The following TMEM98 variants were observed in gnomAD, a reference collection of about 807,000 sequenced individuals.
The protein encoded by TMEM98 is transmembrane protein 98.
A neutral mutation model predicts 25.0 loss-of-function variants in TMEM98; 18 were observed. That is an observed-to-expected ratio of 0.72 (90% CI 0.50 to 1.07). TMEM98 has a LOEUF of 1.07. Ranked by LOEUF, TMEM98 falls within the 50% of genes least tolerant of loss-of-function variation. The probability of loss-of-function intolerance (pLI) is 0.00; values close to 1 mark genes in which losing one functional copy is unlikely to be tolerated. For synonymous variants in TMEM98, 103 were observed against 112.4 expected, an observed-to-expected ratio of 0.92 and a Z score of 0.53; for missense variants, 241 against 289.0, an observed-to-expected ratio of 0.83 and a Z score of 1.20.
chr17:32,932,878 A>G (rs1178495245), intron 3 of TMEM98, among the ~76,000 whole-genome samples: 1 of 152,218 alleles, frequency 6.6e-6, no homozygotes, highest in African/African-American at 2.4e-5. Context: ...GATATCCCTA[A>G]CATCTTTGTA....
At chr17:32,929,181 ACT>A (rs199694783) in intron 1 of TMEM98, among the ~76,000 whole-genome samples, 3,667 of 151,812 alleles carry the variant, frequency 0.024, 142 homozygotes, top group African/African-American at 0.083. Flanking sequence ...TCAGAAACAC[ACT>A]CTGAGAAACA....
At chr17:32,929,575 CAG>C (rs1277042766) in intron 1 of TMEM98, among the ~76,000 whole-genome samples, 4 of 152,154 alleles carry the variant, frequency 2.6e-5, no homozygotes, top group Non-Finnish European at 4.4e-5. Context: ...CGTAGAGAAA[CAG>C]AGGCGGACCC....
intron 6 of TMEM98, among the ~76,000 whole-genome samples, chr17:32,937,250 G>A (rs1013818590): frequency 2.0e-5 from 3 of 151,978 alleles, no homozygotes; most frequent in African/African-American, 7.2e-5. Context: ...AGTTCCAGGG[G>A]CCCACACGTT....
At chr17:32,929,274 A>G (rs1386696497) in intron 1 of TMEM98, among the ~76,000 whole-genome samples, 1 of 151,110 alleles carries the variant, frequency 6.6e-6, no homozygotes, top group Non-Finnish European at 1.5e-5. Context: ...ACACTAACAC[A>G]AACACACACG....
intron 6 of TMEM98, 85 bp downstream of exon 6, chr17:32,936,532 T>A: frequency 8.6e-7 from 1 of 1,165,614 alleles, no homozygotes; most frequent in Non-Finnish European, 1.2e-6. Context: ...AGCTGGGCTC[T>A]TCTATAAAAT....
At chr17:32,930,911 C>T (rs1260427225) in intron 1 of TMEM98, 1 of 152,008 alleles carries the variant, frequency 6.6e-6, no homozygotes, top group African/African-American at 2.4e-5. Context: ...GTTTAAAAAG[C>T]TATTTTAAGG....
chr17:32,934,346 G>A (rs1567697465), intron 5 of TMEM98, 22 bp downstream of exon 5: 1 of 1,613,972 alleles, frequency 6.2e-7, no homozygotes. Context: ...TTATTTCTCT[G>A]TGGGATAAAG....
chr17:32,939,873 T>C (rs1298811759), intron 7 of TMEM98, among the ~76,000 whole-genome samples: 1 of 152,166 alleles, frequency 6.6e-6, no homozygotes, highest in Non-Finnish European at 1.5e-5. Context: ...AGACATGCCT[T>C]AGCTGTGAGT....
intron 5 of TMEM98, 97 bp downstream of exon 5, chr17:32,934,421 T>A (rs2091485308): frequency 2.8e-5 from 40 of 1,405,926 alleles, no homozygotes; most frequent in Non-Finnish European, 3.9e-5. Context: ...GGCACTGACC[T>A]CTCGCAAGAG....
Position 32,934,337 on chromosome 17 carries a change from T to C in TMEM98, c.297+13T>C. On this transcript the variant is annotated intron_variant, in intron 5 of 7. Coordinates refer to ENST00000579849, the MANE Select transcript of TMEM98 (RefSeq NM_015544.3). ...TGCCATCTTGAAGGTAACCCTCTCT[T>C]ATTTCTCTGTGGGATAAAGGGTAGT... 1 of 1,614,046 alleles carries C rather than the reference T, an allele frequency of 6.2e-7. No homozygotes were observed. The highest frequency in any genetic ancestry group is 8.5e-7 in the Non-Finnish European group (1 of 1,179,964).
Position 32,940,990 on chromosome 17 carries a change from T to G in TMEM98, c.678T>G (p.Ile226Met). Residue 226 changes from isoleucine (I) to methionine (M), a missense_variant, in exon 8 of 8, where the codon ATT (isoleucine) becomes ATG (methionine). Ile to Met is a conservative substitution (Grantham distance 10). Transcript: ENST00000579849. Reference sequence around the variant, plus strand: ...GCTTCCTGCAGGAGCAGTCTGCAATTTAGTGCCTACAGGCCAGCAGCTAGC... The same window carrying G: ...GCTTCCTGCAGGAGCAGTCTGCAATGTAGTGCCTACAGGCCAGCAGCTAGC... ...PEGFLQEQSA[I>M] The G allele has an allele frequency of 6.2e-7, 1 of 1,604,882 alleles. No individual in the cohort carries two copies. The highest frequency in any genetic ancestry group is 1.1e-5 in the South Asian group (1 of 90,006).
chr17:32,940,112 C>A (rs1002465410), intron 7 of TMEM98, among the ~76,000 whole-genome samples: 1 of 152,206 alleles, frequency 6.6e-6, no homozygotes, highest in Admixed American at 6.5e-5. Context: ...GTTGCCAGAT[C>A]GGCAGTGGGT....
intron 5 of TMEM98, among the ~76,000 whole-genome samples, chr17:32,935,158 CTCT>C (rs1238779343): frequency 2.0e-5 from 3 of 152,104 alleles, no homozygotes; most frequent in African/African-American, 7.2e-5. Flanking sequence ...TTTACCCCAC[CTCT>C]TCTTTGGCTG....
At chr17:32,931,242 T>G (rs367813877) in intron 1 of TMEM98, 85 bp from the exon 2 acceptor site, 8 of 322,620 alleles carry the variant, frequency 2.5e-5, no homozygotes, top group African/African-American at 1.8e-4. Context: ...ACAAAAAATT[T>G]TAGTCCAACT....
chr17:32,934,029 A>G (rs1175034782), intron 4 of TMEM98, among the ~76,000 whole-genome samples: 1 of 152,190 alleles, frequency 6.6e-6, no homozygotes, highest in Non-Finnish European at 1.5e-5. Context: ...CAGAAGCTTG[A>G]GAGTTATATT....
At chr17:32,931,847 C>T (rs1158387179) in intron 3 of TMEM98, among the ~76,000 whole-genome samples, 188 bp downstream of exon 3, 2 of 152,180 alleles carry the variant, frequency 1.3e-5, no homozygotes, top group South Asian at 2.1e-4. Flanking sequence ...CATCCTGAGT[C>T]ACCTCCTTCT....
Position 32,941,112 on chromosome 17 carries a change from TG to T in TMEM98, c.*120del. The stretch of plus-strand genomic sequence containing the variant: ...TCTCCACGGCTGGAGAGTTCAGCTG[TG>T]TGTGCATAGTAAAGCAGGAGATCCC... On this transcript the variant is annotated 3_prime_UTR_variant, in exon 8 of 8. Coordinates refer to ENST00000579849, the MANE Select transcript of TMEM98 (RefSeq NM_015544.3). The T allele has an allele frequency of 3.4e-6, 3 of 879,580 alleles. No individual in the cohort carries two copies. The Admixed American group carries it at 8.7e-5, about 26-fold the overall frequency. 54.5% of individuals were successfully genotyped at this position (879,580 alleles called of 1,614,324 possible). A position where few individuals can be genotyped will look rare whatever the true frequency, so the allele number is the denominator to read the frequency against.
At position 32,930,160 on chromosome 17, in the gene TMEM98, G is replaced by A. The variant is rs538567611; in HGVS notation, c.-130-1167G>A. Among the ~76,000 whole-genome samples, 10 of 152,066 alleles carry A rather than the reference G, an allele frequency of 6.6e-5. 1 individual carries two copies. In the South Asian group the frequency reaches 2.1e-3, roughly 32 times the overall value. On this transcript the variant is annotated intron_variant, in intron 1 of 7. Transcript: ENST00000579849. ...CTTTTTTTCACGTGGGGAAATTAAA[G>A]CCCAGAGAGGGGAGAATGCTTGCAC...
rs893664082 is a variant in TMEM98 at position 32,941,068 on chromosome 17, T to C, written c.*75T>C. The C allele has an allele frequency of 8.4e-6, 11 of 1,303,422 alleles. No individual in the cohort carries two copies. The highest frequency in any genetic ancestry group is 2.7e-4 in the Middle Eastern group (1 of 3,750). 80.7% of individuals were successfully genotyped at this position (1,303,422 alleles called of 1,614,324 possible). On this transcript the variant is annotated 3_prime_UTR_variant, in exon 8 of 8. Transcript: ENST00000579849. Reference sequence around the variant, plus strand: ...ATGGCTCAGCTTAGCCTTCTACTTTTTCCTATAGAGTTAGTTGTTCTCCAC... The same window carrying C: ...ATGGCTCAGCTTAGCCTTCTACTTTCTCCTATAGAGTTAGTTGTTCTCCAC...
Sources: allele counts gnomAD v4.1 joint callset (sites outside exome capture counted in the v4.1 genomes callset), GRCh38; gene constraint gnomAD v4.1.1; transcripts MANE v1.5; gene names NCBI Gene and HGNC (gene_info 2026-07-23, HGNC 2026-07-21).